Variants in CEP350 observed in about 807,000 individuals in gnomAD.
The protein encoded by CEP350 is centrosomal protein 350, also known as centrosome-associated protein 350.
In CEP350, 126 loss-of-function variants were observed where a neutral mutation model predicts 331.8. The observed-to-expected ratio is 0.38, with a 90% CI of 0.33 to 0.44. The LOEUF is 0.44. Ranked by LOEUF, CEP350 falls within the 20% of genes least tolerant of loss-of-function variation. The pLI, the probability that CEP350 is intolerant of heterozygous loss-of-function variation, is 1.00. For synonymous variants in CEP350, 1,200 were observed against 1,259.5 expected (o/e 0.95, Z 1.00); for missense variants, 3,406 against 3,634.6 (o/e 0.94, Z 1.62).
At chr1:180,078,407 T>C (rs1659364035) in intron 28 of CEP350, 56 bp from the exon 29 acceptor site, 1 of 1,293,626 alleles carries the variant, frequency 7.7e-7, no homozygotes, top group African/African-American at 1.5e-5. Flanking sequence ...TTAGTGTAAT[T>C]TTCCCATTGA....
chr1:179,983,431 C>T (rs1208986560), intron 1 of CEP350, among the ~76,000 whole-genome samples: 2 of 151,986 alleles, frequency 1.3e-5, no homozygotes, highest in Non-Finnish European at 2.9e-5. Flanking sequence ...GACAGGGTTT[C>T]GCCATGTTGG....
chr1:180,051,428 GT>G (rs1484579812), intron 22 of CEP350, among the ~76,000 whole-genome samples: 1 of 152,172 alleles, frequency 6.6e-6, no homozygotes, highest in Non-Finnish European at 1.5e-5. Context: ...AAAACAATTG[GT>G]TTTTAGGCAT....
intron 11 of CEP350, among the ~76,000 whole-genome samples, chr1:180,018,872 T>TG (rs949070271): frequency 2.6e-5 from 4 of 151,556 alleles, no homozygotes; most frequent in Non-Finnish European, 4.4e-5. Flanking sequence ...TTTTTTTTTT[T>TG]TTCTGAGACA....
At chr1:179,991,316 T>TC (rs1653043357) in intron 4 of CEP350, among the ~76,000 whole-genome samples, 1 of 137,276 alleles carries the variant, frequency 7.3e-6, no homozygotes, top group African/African-American at 2.8e-5. Flanking sequence ...TTTCTTTTCT[T>TC]TTTTTTTTTT....
At position 179,999,514 on chromosome 1, in the gene CEP350, C is replaced by A. The variant is rs966864087; in HGVS notation, c.1018+2339C>A. Among the ~76,000 whole-genome samples, 12 of 152,000 alleles carry A rather than the reference C, an allele frequency of 7.9e-5. No individual in the cohort carries two copies. In the East Asian group the frequency reaches 1.5e-3, roughly 20 times the overall value. On this transcript the variant is annotated intron_variant, in intron 6 of 37. Transcript: ENST00000367607. ...CAATGAAAAACTGTTTTTCTGCCAA[C>A]TTTTTGGTAGTATAAATTAAAAGCA...
chr1:180,109,316 C>T (rs1325104694), intron 37 of CEP350, among the ~76,000 whole-genome samples: 2 of 152,044 alleles, frequency 1.3e-5, no homozygotes, highest in Admixed American at 1.3e-4. Context: ...AACGGGGTTT[C>T]ACCACATTGG....
intron 10 of CEP350, among the ~76,000 whole-genome samples, chr1:180,015,364 A>G (rs923963008): frequency 1.3e-5 from 2 of 151,926 alleles, no homozygotes; most frequent in East Asian, 3.9e-4. Context: ...CCTCCTGAGT[A>G]GCTGGGACTA....
Position 180,014,107 on chromosome 1 carries a change from C to T in CEP350, c.1654C>T (p.Gln552Ter). The T allele has an allele frequency of 6.2e-7, 1 of 1,610,870 alleles. No individual in the cohort carries two copies. Residue 552 changes from glutamine (Q) to a stop codon, truncating the protein, a stop_gained, in exon 10 of 38, where the codon CAG (glutamine) becomes TAG (stop). Transcript: ENST00000367607. LOFTEE classifies it high-confidence loss of function. ...TGCAAAGCAAGATACTGTAGAGTTA[C>T]AGAACCAGAAGTCATCAGCACCAGT... is the stretch of plus-strand genomic sequence containing the variant. Reference protein sequence around the residue: ...HTAKQDTVELQNQKSSAPVHA... With the variant: ...HTAKQDTVEL
intron 29 of CEP350, among the ~76,000 whole-genome samples, 153 bp downstream of exon 29, chr1:180,078,827 A>G (rs77348789): frequency 2.0e-4 from 30 of 152,330 alleles, no homozygotes; most frequent in African/African-American, 6.0e-4. Context: ...AAAGCTTTTC[A>G]TTTACAAATA....
At chr1:180,015,611 T>TCC (rs988107324) in intron 10 of CEP350, among the ~76,000 whole-genome samples, 1 of 152,168 alleles carries the variant, frequency 6.6e-6, no homozygotes, top group African/African-American at 2.4e-5. Context: ...ACTCAAGTGA[T>TCC]CCTCCCACTT....
At position 179,987,705 on chromosome 1, in the gene CEP350, T is replaced by C. The variant is rs191415831; in HGVS notation, c.120+419T>C. 3.3e-3 allele frequency among the ~76,000 whole-genome samples: 508 copies of C among 151,816 alleles called. 2 individuals are homozygous for C. The highest frequency in any genetic ancestry group is 0.011 in the African/African-American group (476 of 41,410). ...ACTTTGGGAGGTTGAGGTGGGTAGA[T>C]AGCTTGAGCCCAGGAGTTTGAGATT... On this transcript the variant is annotated intron_variant, in intron 3 of 37. Transcript: ENST00000367607.
In CEP350 at chr1:179,996,755, C is replaced by G. The variant is rs780243635; in HGVS notation, c.598C>G (p.Arg200Gly). The G allele has an allele frequency of 7.4e-6, 12 of 1,613,136 alleles. No individual in the cohort carries two copies. Among genetic ancestry groups the G allele is most frequent in the Non-Finnish European group, 1.0e-5 (12 of 1,179,314 alleles). ...TACAGTTGTTAGGTTTTTAAATGAT[C>G]GACCAGCAATTGATGCATTGCAAAA... is the stretch of plus-strand genomic sequence containing the variant. Reference protein sequence around the residue: ...NDTVVRFLNDRPAIDALQNSE... With the variant: ...NDTVVRFLNDGPAIDALQNSE... The change falls in exon 6 of 38, where the codon CGA becomes GGA. Residue 200 changes from arginine (R) to glycine (G), a missense_variant. By Grantham distance (125) the Arg-to-Gly change is moderately radical (BLOSUM62 -2). This residue lies in a region of CEP350 where 1,857 missense variants were observed against 1,909.2 expected (regional missense o/e 0.97). Coordinates refer to ENST00000367607, the MANE Select transcript of CEP350 (RefSeq NM_014810.5).
At chr1:180,036,476 A>G (rs1448718260) in intron 16 of CEP350, among the ~76,000 whole-genome samples, 1 of 152,210 alleles carries the variant, frequency 6.6e-6, no homozygotes, top group Non-Finnish European at 1.5e-5. Flanking sequence ...AGAAGTTGCC[A>G]CAGTCACTCC....
At chr1:180,052,085 G>C (rs989958940) in intron 22 of CEP350, 5 of 336,694 alleles carry the variant, frequency 1.5e-5, no homozygotes, top group African/African-American at 1.1e-4. Flanking sequence ...GTAACTATGT[G>C]CACACACGTA....
intron 14 of CEP350, among the ~76,000 whole-genome samples, chr1:180,027,154 G>A (rs1040991715): frequency 7.9e-5 from 12 of 152,134 alleles, no homozygotes; most frequent in Non-Finnish European, 1.0e-4. Flanking sequence ...ATCCTAATGG[G>A]CGTGAAATGT....
chr1:180,003,792 A>G (rs924939573), intron 7 of CEP350, among the ~76,000 whole-genome samples: 1 of 152,200 alleles, frequency 6.6e-6, no homozygotes, highest in Non-Finnish European at 1.5e-5. Flanking sequence ...ACCGAATAGT[A>G]TGAGCTTGGG....
At chr1:179,963,169 T>C (rs965997870) in intron 1 of CEP350, among the ~76,000 whole-genome samples, 1 of 152,166 alleles carries the variant, frequency 6.6e-6, no homozygotes, top group Non-Finnish European at 1.5e-5. Context: ...ATTTTTTTTT[T>C]CTTGTTCATT....
At chr1:180,101,372 A>T (rs1660797782) in intron 37 of CEP350, among the ~76,000 whole-genome samples, 1 of 152,112 alleles carries the variant, frequency 6.6e-6, no homozygotes, top group African/African-American at 2.4e-5. Context: ...CCTCTCCCAT[A>T]ATTAGATTTG....
chr1:179,987,562 A>G (rs1171923713), intron 3 of CEP350, among the ~76,000 whole-genome samples: 1 of 150,238 alleles, frequency 6.7e-6, no homozygotes, highest in Non-Finnish European at 1.5e-5. Context: ...ATAAATGACA[A>G]CTATTAAATG....
Sources: gnomAD v4.1 joint callset for allele counts (sites outside exome capture counted in the v4.1 genomes callset) on GRCh38, gnomAD v4.1.1 for gene constraint, gnomAD v4.1.1 regional missense constraint, MANE v1.5 for transcripts, NCBI Gene and HGNC (gene_info 2026-07-23, HGNC 2026-07-21) for gene names.